Variants in DSN1 observed in about 807,000 individuals in gnomAD.
DSN1 encodes kinetochore-associated protein DSN1 homolog.
In DSN1, 31 loss-of-function variants were observed where a neutral mutation model predicts 45.7. The ratio of observed to expected loss-of-function variants is 0.68; its 90% confidence interval spans 0.51 to 0.92. The LOEUF is 0.92. Among genes scored for constraint, DSN1 ranks in the 40% least tolerant of loss-of-function variants. DSN1 has a pLI of 0.00. For missense variants in DSN1, 394 were observed against 414.2 expected, an observed-to-expected ratio of 0.95 and a Z score of 0.42; for synonymous variants, 134 against 142.3, an observed-to-expected ratio of 0.94 and a Z score of 0.41.
intron 8 of DSN1, among the ~76,000 whole-genome samples, chr20:36,757,191 A>G (rs918510783): frequency 4.6e-5 from 7 of 152,160 alleles, no homozygotes; most frequent in African/African-American, 1.7e-4. Context: ...CCCTGTCTCT[A>G]CTAAAAATAC....
chr20:36,764,926 A>G (rs986394691), intron 5 of DSN1, among the ~76,000 whole-genome samples: 1 of 151,218 alleles, frequency 6.6e-6, no homozygotes, highest in African/African-American at 2.5e-5. Flanking sequence ...TCTCAAAAAA[A>G]AAAAAAGAAA....
chr20:36,766,979 C>A, intron 4 of DSN1, 138 bp from the exon 5 acceptor site: 6 of 529,616 alleles, frequency 1.1e-5, no homozygotes, highest in South Asian at 5.8e-5. Context: ...AGACTTTTCA[C>A]AGAAACAAAT....
At chr20:36,756,660 C>A (rs1986695002) in intron 8 of DSN1, among the ~76,000 whole-genome samples, 3 of 151,388 alleles carry the variant, frequency 2.0e-5, no homozygotes, top group Admixed American at 2.0e-4. Flanking sequence ...GTACTAATAT[C>A]ATCCCCATTT....
chr20:36,763,321 C>A (rs539799366), intron 5 of DSN1, among the ~76,000 whole-genome samples: 1 of 138,592 alleles, frequency 7.2e-6, no homozygotes, highest in Non-Finnish European at 1.5e-5. Context: ...AGGGGAATCG[C>A]TTGAACCTGA....
intron 6 of DSN1, among the ~76,000 whole-genome samples, chr20:36,758,879 G>A (rs1986818951): frequency 6.6e-6 from 1 of 152,222 alleles, no homozygotes. Flanking sequence ...TAGAGGTGGG[G>A]TTTCTCCATG....
rs1986437931 is a variant in DSN1 at position 36,752,708 on chromosome 20, A to C, written c.*80T>G. On this transcript the variant is annotated 3_prime_UTR_variant, in exon 11 of 11. Transcript: ENST00000373750. ...GTTATCTTCAAAGGCAACGAGCAGA[A>C]ATCACGCAGTCACCACGTGCTGGGG... 8.6e-7 allele frequency: 1 copy of C among 1,159,434 alleles called. No individual in the cohort carries two copies. Among genetic ancestry groups the C allele is most frequent in the Admixed American group, 1.8e-5 (1 of 54,624 alleles). The allele number at this position is 1,159,434 out of a possible 1,614,324, so 71.8% of individuals were successfully genotyped here.
At chr20:36,758,727 G>T in intron 6 of DSN1, 110 bp from the exon 7 acceptor site, 2 of 1,099,044 alleles carry the variant, frequency 1.8e-6, no homozygotes, top group Non-Finnish European at 2.5e-6. Flanking sequence ...CCCTCTTGTT[G>T]CCCAGGCTGG....
chr20:36,759,887 T>A (rs1986879735), intron 6 of DSN1, among the ~76,000 whole-genome samples: 1 of 152,128 alleles, frequency 6.6e-6, no homozygotes, highest in Non-Finnish European at 1.5e-5. Context: ...CCAATTCACA[T>A]CATGGCCAGA....
intron 6 of DSN1, among the ~76,000 whole-genome samples, chr20:36,762,001 T>A (rs1987010252): frequency 6.6e-6 from 1 of 150,734 alleles, no homozygotes; most frequent in African/African-American, 2.4e-5. Flanking sequence ...AGAGCAAGAC[T>A]CCGAATCAAA....
intron 6 of DSN1, among the ~76,000 whole-genome samples, chr20:36,759,353 G>T (rs375124501): frequency 6.6e-6 from 1 of 152,106 alleles, no homozygotes. Flanking sequence ...GGGCTCAAGT[G>T]ATCCTCCCAC....
At chr20:36,771,867 A>C (rs1987668820) in intron 1 of DSN1, among the ~76,000 whole-genome samples, 1 of 152,136 alleles carries the variant, frequency 6.6e-6, no homozygotes, top group South Asian at 2.1e-4. Context: ...TCTTTTCTCC[A>C]TTCTCACTGT....
chr20:36,767,686 GA>G (rs1987421032), intron 4 of DSN1, among the ~76,000 whole-genome samples: 1 of 152,118 alleles, frequency 6.6e-6, no homozygotes. Flanking sequence ...GGCGGATCAG[GA>G]GGTCAGGAGA....
At chr20:36,759,075 C>T (rs1356432598) in intron 6 of DSN1, among the ~76,000 whole-genome samples, 1 of 152,060 alleles carries the variant, frequency 6.6e-6, no homozygotes, top group Non-Finnish European at 1.5e-5. Context: ...CTCTGCCTCC[C>T]GGGTTCAAGT....
intron 4 of DSN1, 66 bp from the exon 5 acceptor site, chr20:36,766,907 C>G: frequency 9.1e-7 from 1 of 1,093,848 alleles, no homozygotes; most frequent in African/African-American, 1.6e-5. Context: ...AAATTTATGT[C>G]ATTTTATGAT....
At position 36,754,842 on chromosome 20, in the gene DSN1, TTCATCCA is replaced by T; in HGVS notation, c.875_881del (p.Met292AsnfsTer6). ...GCAGCTGTTTCACTGATCCTTGCAG[TTCATCCA>T]TCTGTAGAAAAAAGACAGCTGTGAG... On this transcript the variant is annotated frameshift_variant and splice_region_variant, in exon 10 of 11. Coordinates refer to ENST00000373750, the MANE Select transcript of DSN1 (RefSeq NM_001145315.2). LOFTEE classifies it high-confidence loss of function. 6.2e-7 allele frequency: 1 copy of T among 1,613,804 alleles called. No homozygotes were observed. Among genetic ancestry groups the T allele is most frequent in the Non-Finnish European group, 8.5e-7 (1 of 1,179,790 alleles).
intron 5 of DSN1, among the ~76,000 whole-genome samples, chr20:36,765,968 G>A (rs900024912): frequency 1.6e-4 from 24 of 149,800 alleles, no homozygotes; most frequent in African/African-American, 4.9e-4. Context: ...CAAGGCGGGC[G>A]GATCACCTAA....
rs1463437124 is a variant in DSN1 at position 36,773,722 on chromosome 20, C to T, written c.-76G>A. On this transcript the variant is annotated 5_prime_UTR_variant, in exon 1 of 11. Coordinates refer to ENST00000373750, the MANE Select transcript of DSN1 (RefSeq NM_001145315.2). ...CCAGGTCACTCCTGGACGCCTTGCG[C>T]ACCCGCAGCCGATACTCCCTGATCA... 7.1e-6 allele frequency: 7 copies of T among 985,450 alleles called. No individual in the cohort carries two copies. Among genetic ancestry groups the T allele is most frequent in the Non-Finnish European group, 8.4e-6 (7 of 830,010 alleles). The allele number at this position is 985,450 out of a possible 1,614,324, so 61.0% of individuals were successfully genotyped here. A position where few individuals can be genotyped will look rare whatever the true frequency, so the allele number is the denominator to read the frequency against.
intron 5 of DSN1, among the ~76,000 whole-genome samples, chr20:36,765,614 T>C (rs1987278297): frequency 6.6e-6 from 1 of 151,242 alleles, no homozygotes; most frequent in Non-Finnish European, 1.5e-5. Context: ...ATCGAGACCA[T>C]GGTGAAACCC....
intron 6 of DSN1, among the ~76,000 whole-genome samples, chr20:36,759,174 G>C (rs1438134048): frequency 6.6e-6 from 1 of 151,582 alleles, no homozygotes; most frequent in Non-Finnish European, 1.5e-5. Context: ...GTAGAGACGG[G>C]GTTTCACTAT....
Sources: gnomAD v4.1 joint callset for allele counts (sites outside exome capture counted in the v4.1 genomes callset) on GRCh38, gnomAD v4.1.1 for gene constraint, MANE v1.5 for transcripts, NCBI Gene and HGNC (gene_info 2026-07-23, HGNC 2026-07-21) for gene names.